Variants in ARNT2 observed in about 807,000 individuals in gnomAD.
The protein encoded by ARNT2 is aryl hydrocarbon receptor nuclear translocator 2, also known as ARNT protein 2.
Under a neutral mutation model 91.7 loss-of-function variants are expected in ARNT2, and 36 were observed. The observed-to-expected ratio is 0.39, with a 90% CI of 0.30 to 0.52. The LOEUF is 0.52. Among genes scored for constraint, ARNT2 ranks in the 20% least tolerant of loss-of-function variants. The probability of loss-of-function intolerance (pLI) is 0.72; values close to 1 mark genes in which losing one functional copy is unlikely to be tolerated. For synonymous variants in ARNT2, 365 were observed against 347.1 expected, an observed-to-expected ratio of 1.05 and a Z score of -0.57; for missense variants, 775 against 939.3, an observed-to-expected ratio of 0.83 and a Z score of 2.29.
At chr15:80,517,462 C>T (rs747143689) in intron 8 of ARNT2, among the ~76,000 whole-genome samples, 1 of 152,082 alleles carries the variant, frequency 6.6e-6, no homozygotes, top group African/African-American at 2.4e-5. Flanking sequence ...GCTTGGTATT[C>T]TCTGAGGCTC....
rs1410219313 is a variant in ARNT2, at chr15:80,594,975, G to A, written c.*1277G>A. On this transcript the variant is annotated 3_prime_UTR_variant, in exon 19 of 19. Coordinates refer to ENST00000303329, the MANE Select transcript of ARNT2 (RefSeq NM_014862.4). ...CCACCGGCCTTGAATTTCTCTGGTG[G>A]TCTCAAGACAAGAACAAGAGCTGAC... The A allele has an allele frequency of 6.6e-6, 1 of 152,226 alleles. No homozygotes were observed. Among genetic ancestry groups the A allele is most frequent in the African/African-American group, 2.4e-5 (1 of 41,438 alleles). The allele number at this position is 152,226 out of a possible 1,614,324, so 9.4% of individuals were successfully genotyped here. A position where few individuals can be genotyped will look rare whatever the true frequency, so the allele number is the denominator to read the frequency against.
chr15:80,496,562 A>G (rs1164964449), intron 5 of ARNT2, among the ~76,000 whole-genome samples: 1 of 152,188 alleles, frequency 6.6e-6, no homozygotes, highest in Non-Finnish European at 1.5e-5. Context: ...CCTGCCATTC[A>G]TTGCCTGTCA....
intron 1 of ARNT2, among the ~76,000 whole-genome samples, chr15:80,449,120 A>AGC (rs761687180): frequency 1.3e-5 from 2 of 152,288 alleles, no homozygotes; most frequent in Non-Finnish European, 2.9e-5. Flanking sequence ...ACCGAAGTTA[A>AGC]GCAATCCTCT....
At chr15:80,530,626 A>G (rs889309751) in intron 8 of ARNT2, among the ~76,000 whole-genome samples, 3 of 152,040 alleles carry the variant, frequency 2.0e-5, no homozygotes, top group Admixed American at 1.3e-4. Flanking sequence ...CTCAGACTTG[A>G]GTCATTTTTG....
At chr15:80,417,894 G>A (rs769247017) in intron 1 of ARNT2, among the ~76,000 whole-genome samples, 1 of 152,202 alleles carries the variant, frequency 6.6e-6, no homozygotes, top group Non-Finnish European at 1.5e-5. Context: ...TGGTGGACCA[G>A]GGGACCGTAG....
intron 1 of ARNT2, among the ~76,000 whole-genome samples, chr15:80,438,704 T>C (rs934155489): frequency 6.6e-6 from 1 of 152,080 alleles, no homozygotes; most frequent in Admixed American, 6.5e-5. Flanking sequence ...TTTTTTGGGG[T>C]GGGGGGATGG....
At chr15:80,412,548 T>C (rs982858162) in intron 1 of ARNT2, among the ~76,000 whole-genome samples, 2 of 152,208 alleles carry the variant, frequency 1.3e-5, no homozygotes, top group African/African-American at 4.8e-5. Context: ...TTCGAGCATA[T>C]TGCTTTGTCA....
At chr15:80,454,948 C>A (rs1225551179) in intron 2 of ARNT2, among the ~76,000 whole-genome samples, 5 of 152,142 alleles carry the variant, frequency 3.3e-5, no homozygotes, top group African/African-American at 7.2e-5. Context: ...ATCATCCATT[C>A]ACTGTGTTGA....
At chr15:80,538,383 A>G (rs1379736421) in intron 8 of ARNT2, among the ~76,000 whole-genome samples, 1 of 152,186 alleles carries the variant, frequency 6.6e-6, no homozygotes, top group Non-Finnish European at 1.5e-5. Flanking sequence ...TCAAACTTAT[A>G]GAACTTGGAA....
intron 3 of ARNT2, among the ~76,000 whole-genome samples, chr15:80,466,529 C>CA (rs768677837): frequency 6.6e-6 from 1 of 152,236 alleles, no homozygotes; most frequent in East Asian, 1.9e-4. Context: ...ACACCAGGTT[C>CA]ACAGGCTCAC....
intron 5 of ARNT2, among the ~76,000 whole-genome samples, chr15:80,482,422 T>G (rs966997957): frequency 5.9e-5 from 9 of 152,280 alleles, no homozygotes; most frequent in South Asian, 4.1e-4. Context: ...CAAGGTCCTA[T>G]GCATGGGGAT....
intron 18 of ARNT2, among the ~76,000 whole-genome samples, chr15:80,592,012 G>A (rs1043148027): frequency 6.6e-6 from 1 of 152,064 alleles, no homozygotes; most frequent in African/African-American, 2.4e-5. Context: ...GGCCAAAGGG[G>A]GTCTCTCCTA....
chr15:80,590,342 G>A (rs1893254301), intron 17 of ARNT2, among the ~76,000 whole-genome samples: 1 of 152,170 alleles, frequency 6.6e-6, no homozygotes, highest in African/African-American at 2.4e-5. Context: ...CTTCTCTGAA[G>A]GTATTTTTTT....
intron 11 of ARNT2, among the ~76,000 whole-genome samples, chr15:80,562,511 TACA>T (rs1482241325): frequency 6.6e-6 from 1 of 152,198 alleles, no homozygotes; most frequent in Non-Finnish European, 1.5e-5. Flanking sequence ...GAAATCATAT[TACA>T]ACATCAAAGT....
intron 5 of ARNT2, among the ~76,000 whole-genome samples, chr15:80,501,593 A>G (rs370324335): frequency 1.3e-5 from 2 of 152,320 alleles, no homozygotes; most frequent in East Asian, 3.9e-4. Flanking sequence ...ATTATTCCAG[A>G]GTGGTCTGAA....
chr15:80,414,757 TTC>T (rs747563819), intron 1 of ARNT2, among the ~76,000 whole-genome samples: 2 of 137,856 alleles, frequency 1.5e-5, no homozygotes, highest in African/African-American at 5.7e-5. Flanking sequence ...CACAGCTGTG[TTC>T]TCTCTCTCTT....
At chr15:80,529,383 A>G (rs1433467725) in intron 8 of ARNT2, among the ~76,000 whole-genome samples, 2 of 152,196 alleles carry the variant, frequency 1.3e-5, no homozygotes, top group Non-Finnish European at 2.9e-5. Context: ...ATAGTGGGGG[A>G]TCCATTTCTT....
At chr15:80,462,028 T>C (rs1190067858) in intron 3 of ARNT2, among the ~76,000 whole-genome samples, 2 of 151,982 alleles carry the variant, frequency 1.3e-5, no homozygotes, top group Admixed American at 1.3e-4. Flanking sequence ...TATAGTGAGG[T>C]CGGCACCAGT....
intron 3 of ARNT2, among the ~76,000 whole-genome samples, chr15:80,466,537 C>T (rs1211594889): frequency 6.6e-6 from 1 of 152,244 alleles, no homozygotes; most frequent in African/African-American, 2.4e-5. Context: ...TTCACAGGCT[C>T]ACTCCTGCAG....
Sources: gnomAD v4.1 joint callset for allele counts (sites outside exome capture counted in the v4.1 genomes callset) on GRCh38, gnomAD v4.1.1 for gene constraint, MANE v1.5 for transcripts, NCBI Gene and HGNC (gene_info 2026-07-23, HGNC 2026-07-21) for gene names.